INSR: variants seen among roughly 807,000 people sequenced by gnomAD.
INSR encodes the protein IR.
In INSR, 67 loss-of-function variants were observed where a neutral mutation model predicts 142.6. The observed-to-expected ratio is 0.47, with a 90% confidence interval of 0.39 to 0.58. INSR has a LOEUF of 0.58. Ranked by LOEUF, INSR falls within the 20% of genes least tolerant of loss-of-function variation. The probability of loss-of-function intolerance (pLI) is 0.00; values close to 1 mark genes in which losing one functional copy is unlikely to be tolerated. For synonymous variants in INSR, 756 were observed against 743.1 expected (o/e 1.02, Z -0.28); for missense variants, 1,248 against 1,833.2 (o/e 0.68, Z 5.83).
At chr19:7,220,416 G>A (rs545574564) in intron 2 of INSR, among the ~76,000 whole-genome samples, 5 of 152,116 alleles carry the variant, frequency 3.3e-5, no homozygotes, top group South Asian at 2.1e-4. Context: ...TCAGTTTCCC[G>A]AGGAGCTGGG....
At chr19:7,261,105 C>T (rs1977048452) in intron 2 of INSR, among the ~76,000 whole-genome samples, 1 of 151,984 alleles carries the variant, frequency 6.6e-6, no homozygotes, top group Non-Finnish European at 1.5e-5. Flanking sequence ...CCAGGCTGGT[C>T]TCGAACTCCT....
intron 2 of INSR, among the ~76,000 whole-genome samples, chr19:7,188,122 C>T (rs1974479006): frequency 6.6e-6 from 1 of 152,170 alleles, no homozygotes; most frequent in Non-Finnish European, 1.5e-5. Context: ...TTGTGACTTG[C>T]TCCTTTGCAT....
At chr19:7,243,851 G>A (rs1976444438) in intron 2 of INSR, among the ~76,000 whole-genome samples, 1 of 152,162 alleles carries the variant, frequency 6.6e-6, no homozygotes. Context: ...AAGCAAGGAT[G>A]ATTTTATATT....
At chr19:7,157,591 T>C (rs1973629987) in intron 9 of INSR, among the ~76,000 whole-genome samples, 1 of 152,074 alleles carries the variant, frequency 6.6e-6, no homozygotes, top group African/African-American at 2.4e-5. Context: ...CAGCTGGTCA[T>C]GTCTTAAGCC....
In INSR at chr19:7,184,524, G is replaced by A. The variant is rs781007453; in HGVS notation, c.766C>T (p.Arg256Cys). The change falls in exon 3 of 22, where the codon CGC becomes TGC. Residue 256 changes from arginine (R) to cysteine (C), a missense_variant. Physicochemically the swap from Arg to Cys is radical, Grantham distance 180. Transcript: ENST00000302850. ...CACCTGCCGTCCAGGTAGAAGTTGC[G>A]GCAGGCCACGCACTTGGTGGGGTCG... ...PDDPTKCVAC[R>C]NFYLDGRCVE... 4.3e-6 allele frequency: 7 copies of A among 1,613,954 alleles called. No homozygotes were observed. Among genetic ancestry groups the A allele is most frequent in the East Asian group, 2.2e-5 (1 of 44,882 alleles).
chr19:7,277,750 C>G (rs1839707490), intron 1 of INSR, among the ~76,000 whole-genome samples: 1 of 152,014 alleles, frequency 6.6e-6, no homozygotes, highest in African/African-American at 2.4e-5. Flanking sequence ...TGAGCTATGA[C>G]TGCACCACTG....
At chr19:7,247,197 A>C (rs1290637479) in intron 2 of INSR, among the ~76,000 whole-genome samples, 1 of 152,192 alleles carries the variant, frequency 6.6e-6, no homozygotes, top group African/African-American at 2.4e-5. Flanking sequence ...CCAGGAAGAC[A>C]AACTCAGGCT....
intron 13 of INSR, among the ~76,000 whole-genome samples, chr19:7,134,498 G>T (rs1972860157): frequency 6.6e-6 from 1 of 151,612 alleles, no homozygotes. Flanking sequence ...CGGGCACGGT[G>T]GCTCATGCCT....
intron 2 of INSR, among the ~76,000 whole-genome samples, chr19:7,249,475 C>T (rs1041702473): frequency 1.3e-5 from 2 of 152,238 alleles, no homozygotes; most frequent in South Asian, 4.1e-4. Flanking sequence ...CCGTCGGCAC[C>T]GTTTTACCGC....
intron 2 of INSR, among the ~76,000 whole-genome samples, chr19:7,185,680 T>A: frequency 6.7e-6 from 1 of 150,036 alleles, no homozygotes; most frequent in Non-Finnish European, 1.5e-5. Flanking sequence ...CTGTCTCTAC[T>A]AAAAATACAA....
intron 1 of INSR, among the ~76,000 whole-genome samples, chr19:7,277,299 G>A (rs939309896): frequency 2.0e-5 from 3 of 151,738 alleles, no homozygotes; most frequent in Non-Finnish European, 4.4e-5. Context: ...TTCTGGACCC[G>A]GCAAGTCAGC....
intron 19 of INSR, among the ~76,000 whole-genome samples, chr19:7,120,986 G>A (rs977155140): frequency 1.3e-5 from 2 of 152,006 alleles, no homozygotes; most frequent in African/African-American, 4.8e-5. Context: ...AAATCACAAA[G>A]AAGCTACATT....
rs771761964 is a variant in INSR, at chr19:7,126,603, C to G, written c.2994G>C (p.Glu998Asp). 1 of 1,563,092 alleles carries G rather than the reference C, an allele frequency of 6.4e-7. No individual in the cohort carries two copies. Among genetic ancestry groups the G allele is most frequent in the South Asian group, 1.2e-5 (1 of 85,046 alleles). ...ACTCACCATCACTGGCACTGAGATA[C>G]TCAGGGTTTGAAGAAGCGTAAAGCG... ...LGPLYASSNP[E>D]YLSASDVFPC... The change falls in exon 16 of 22, where the codon GAG (glutamate) becomes GAC (aspartate). Residue 998 changes from glutamate (E) to aspartate (D), a missense_variant. Physicochemically the swap from Glu to Asp is conservative, Grantham distance 45. This residue lies in a region of INSR where 1,069 missense variants were observed against 1,654.0 expected (regional missense o/e 0.65). Coordinates refer to ENST00000302850, the MANE Select transcript of INSR (RefSeq NM_000208.4).
At chr19:7,256,843 T>G (rs1358525614) in intron 2 of INSR, among the ~76,000 whole-genome samples, 1 of 152,134 alleles carries the variant, frequency 6.6e-6, no homozygotes, top group Admixed American at 6.5e-5. Flanking sequence ...TAGATTTTTT[T>G]TTTAAAGATC....
At chr19:7,291,345 A>G (rs920638784) in intron 1 of INSR, among the ~76,000 whole-genome samples, 1 of 152,242 alleles carries the variant, frequency 6.6e-6, no homozygotes, top group Non-Finnish European at 1.5e-5. Flanking sequence ...AGGGAAGATT[A>G]AACCGCACCT....
rs1568480264 is a variant in INSR, at chr19:7,197,516, G to GTGTGTGTGTGTGTGTGTGTGT, written c.653-12880_653-12879insACACACACACACACACACACA. Among the ~76,000 whole-genome samples the GTGTGTGTGTGTGTGTGTGTGT allele has an allele frequency of 5.3e-3, 375 of 70,922 alleles. 80 individuals carry two copies. The highest frequency in any genetic ancestry group is 8.2e-3 in the South Asian group (20 of 2,442). 46.5% of individuals were successfully genotyped at this position (70,922 alleles called of 152,430 possible). A position where few individuals can be genotyped will look rare whatever the true frequency, so the allele number is the denominator to read the frequency against. ...TGGCAGGTTCCAGAGTGGGAGTGGGGGTGTGTGTGTGTGTGTGTGTGTGTG... is the reference window on the plus strand; with the variant it reads ...TGGCAGGTTCCAGAGTGGGAGTGGGGTGTGTGTGTGTGTGTGTGTGTGTGTGTGTGTGTGTGTGTGTGTGTG... On this transcript the variant is annotated intron_variant, in intron 2 of 21. Coordinates refer to ENST00000302850, the MANE Select transcript of INSR (RefSeq NM_000208.4).
Position 7,267,494 on chromosome 19 carries a change from T to C in INSR, c.503A>G (p.Glu168Gly). The C allele has an allele frequency of 6.2e-7, 1 of 1,614,030 alleles. No individual in the cohort carries two copies. Among genetic ancestry groups the C allele is most frequent in the South Asian group, 1.1e-5 (1 of 91,068 alleles). ...IDWSRILDSV[E>G]DNYIVLNKDD... The stretch of plus-strand genomic sequence containing the variant: ...TTTGTTCAACACGATGTAATTATCC[T>C]CCACGGAATCCAGGATACGGGACCA... The change falls in exon 2 of 22, where the codon GAG (glutamate) becomes GGG (glycine). Residue 168 changes from glutamate (E) to glycine (G), a missense_variant. Glu to Gly is a moderately conservative substitution (Grantham distance 98). Transcript: ENST00000302850. This position sits in a 1 kb window ranked among gnomAD's most constrained non-coding sequence, Gnocchi z 6.3.
intron 6 of INSR, among the ~76,000 whole-genome samples, chr19:7,170,262 G>A (rs192442676): frequency 6.6e-6 from 1 of 151,746 alleles, no homozygotes; most frequent in East Asian, 1.9e-4. Context: ...AAAATCTAAT[G>A]CCTGATGATC....
chr19:7,217,075 G>A (rs1464808059), intron 2 of INSR, among the ~76,000 whole-genome samples: 3 of 147,820 alleles, frequency 2.0e-5, no homozygotes, highest in South Asian at 4.2e-4. Context: ...TCAAGAAATC[G>A]TCCCACCTTG....
Sources: gnomAD v4.1 joint callset for allele counts (sites outside exome capture counted in the v4.1 genomes callset) on GRCh38, gnomAD v4.1.1 for gene constraint, gnomAD v4.1.1 regional missense constraint, Gnocchi (gnomAD v3.1) non-coding constraint, MANE v1.5 for transcripts, NCBI Gene and HGNC (gene_info 2026-07-23, HGNC 2026-07-21) for gene names.